Variants in PDLIM5 observed in about 807,000 individuals in gnomAD.
PDLIM5 encodes PDZ and LIM domain 5, also known as PDZ and LIM domain protein 5.
PDLIM5 carries 34 observed loss-of-function variants against 64.2 expected under a neutral mutation model. The ratio of observed to expected loss-of-function variants is 0.53; its 90% CI spans 0.40 to 0.71. The LOEUF (loss-of-function observed/expected upper bound fraction) is 0.71. Ranked by LOEUF, PDLIM5 falls within the 30% of genes least tolerant of loss-of-function variation. The probability of loss-of-function intolerance (pLI) is 0.00; values close to 1 mark genes in which losing one functional copy is unlikely to be tolerated. For missense variants in PDLIM5, 683 were observed against 733.6 expected (o/e 0.93, Z 0.80); for synonymous variants, 253 against 269.1 (o/e 0.94, Z 0.59).
At chr4:94,628,853 G>A (rs1382561816) in intron 8 of PDLIM5, among the ~76,000 whole-genome samples, 3 of 152,066 alleles carry the variant, frequency 2.0e-5, no homozygotes, top group Admixed American at 2.0e-4. Context: ...AAGTCTGCAT[G>A]AGTTTACCAT....
chr4:94,612,676 T>TGA (rs1458205116), intron 7 of PDLIM5, among the ~76,000 whole-genome samples: 1 of 152,118 alleles, frequency 6.6e-6, no homozygotes, highest in Non-Finnish European at 1.5e-5. Context: ...AGTGTGATAT[T>TGA]GAGAGAGGGA....
intron 8 of PDLIM5, among the ~76,000 whole-genome samples, chr4:94,627,518 A>G (rs1739796018): frequency 6.6e-6 from 1 of 152,220 alleles, no homozygotes; most frequent in South Asian, 2.1e-4. Context: ...ATTGATGCAT[A>G]TGGTTTAAAC....
chr4:94,512,595 G>C (rs914829673), intron 2 of PDLIM5, among the ~76,000 whole-genome samples: 2 of 147,660 alleles, frequency 1.4e-5, no homozygotes, highest in Non-Finnish European at 3.0e-5. Flanking sequence ...CAAATCTTTT[G>C]CCAATTTTTT....
intron 2 of PDLIM5, among the ~76,000 whole-genome samples, chr4:94,495,156 C>T (rs938372902): frequency 9.9e-5 from 15 of 152,068 alleles, no homozygotes; most frequent in Non-Finnish European, 1.6e-4. Flanking sequence ...TCAGGTTTCC[C>T]GTCAGTATTA....
chr4:94,521,692 A>G (rs2110129819), intron 2 of PDLIM5, among the ~76,000 whole-genome samples: 1 of 151,984 alleles, frequency 6.6e-6, no homozygotes, highest in South Asian at 2.1e-4. Flanking sequence ...TCTTTCTACG[A>G]TGTTCATTAC....
rs1462401557 is a variant in PDLIM5, at chr4:94,667,583, T to C, written c.*3516T>C. On this transcript the variant is annotated 3_prime_UTR_variant, in exon 13 of 13. Coordinates refer to ENST00000317968, the MANE Select transcript of PDLIM5 (RefSeq NM_006457.5). ...GGGACTTGAACATCATGGACTTTAG[T>C]ATCCTAGGGGGTTCTTGGAACCCAT... is the stretch of plus-strand genomic sequence containing the variant. 6.6e-6 allele frequency: 1 copy of C among 152,164 alleles called. No individual in the cohort carries two copies. Among genetic ancestry groups the C allele is most frequent in the Non-Finnish European group, 1.5e-5 (1 of 68,000 alleles). The allele number at this position is 152,164 out of a possible 1,614,324, so 9.4% of individuals were successfully genotyped here. A position where few individuals can be genotyped will look rare whatever the true frequency, so the allele number is the denominator to read the frequency against.
At chr4:94,478,429 G>C (rs1725527465) in intron 2 of PDLIM5, among the ~76,000 whole-genome samples, 1 of 151,894 alleles carries the variant, frequency 6.6e-6, no homozygotes, top group South Asian at 2.1e-4. Flanking sequence ...GATGGGGGTT[G>C]GCACATCCAA....
intron 5 of PDLIM5, chr4:94,577,485 T>TA: frequency 3.0e-6 from 1 of 338,888 alleles, no homozygotes. Context: ...ATATATATAT[T>TA]GAGGAAAACT....
chr4:94,557,155 A>G (rs1733413232), intron 3 of PDLIM5, among the ~76,000 whole-genome samples: 1 of 152,156 alleles, frequency 6.6e-6, no homozygotes, highest in Non-Finnish European at 1.5e-5. Context: ...CTGTTTATTA[A>G]ATAGAGAATC....
At chr4:94,606,608 C>G (rs13135257) in intron 7 of PDLIM5, among the ~76,000 whole-genome samples, 27 of 152,028 alleles carry the variant, frequency 1.8e-4, no homozygotes, top group Admixed American at 1.6e-3. Context: ...CCAAGATCAC[C>G]TAGAGCAGGG....
At chr4:94,606,730 A>G (rs1737957042) in intron 7 of PDLIM5, among the ~76,000 whole-genome samples, 1 of 152,152 alleles carries the variant, frequency 6.6e-6, no homozygotes, top group East Asian at 1.9e-4. Flanking sequence ...TTTTTTCTGT[A>G]AAGGTCCAGA....
chr4:94,620,595 A>G (rs1739141367), intron 8 of PDLIM5, among the ~76,000 whole-genome samples: 1 of 152,084 alleles, frequency 6.6e-6, no homozygotes, highest in South Asian at 2.1e-4. Context: ...GATTTGTAAG[A>G]GTGAATTTTT....
intron 8 of PDLIM5, among the ~76,000 whole-genome samples, chr4:94,631,073 T>C (rs1211500733): frequency 2.0e-5 from 3 of 151,370 alleles, no homozygotes; most frequent in Non-Finnish European, 4.4e-5. Context: ...AACTTTTTTT[T>C]TTTTTTTTTG....
At chr4:94,456,517 C>CT (rs762571808) in intron 2 of PDLIM5, 64 of 710,052 alleles carry the variant, frequency 9.0e-5, no homozygotes, top group Admixed American at 1.6e-4. Flanking sequence ...TTATACTTTG[C>CT]TTTTTTTTGC....
Position 94,508,315 on chromosome 4 carries a change from C to CA in PDLIM5, c.97-15403dup, listed in dbSNP as rs550774825. ...CAACTGTGTAGGCTGGCTTATTGGG[C>CA]AAAAAATAAATAAATAAACTTAGGA... On this transcript the variant is annotated intron_variant, in intron 2 of 12. Coordinates refer to ENST00000317968, the MANE Select transcript of PDLIM5 (RefSeq NM_006457.5). Among the ~76,000 whole-genome samples the CA allele has an allele frequency of 1.1e-4, 16 of 151,870 alleles. 1 individual carries two copies. In the South Asian group the frequency reaches 3.3e-3, roughly 32 times the overall value.
At chr4:94,656,082 A>G (rs1742189058) in intron 10 of PDLIM5, among the ~76,000 whole-genome samples, 1 of 152,154 alleles carries the variant, frequency 6.6e-6, no homozygotes, top group East Asian at 1.9e-4. Context: ...AAAATAGTTC[A>G]CTCAAGCACA....
chr4:94,544,627 G>A (rs1358133675), intron 3 of PDLIM5, among the ~76,000 whole-genome samples: 3 of 152,144 alleles, frequency 2.0e-5, no homozygotes, highest in Non-Finnish European at 4.4e-5. Flanking sequence ...TAGAGGGTCT[G>A]TTTTGAGGCA....
chr4:94,578,404 A>G (rs1735461235), intron 5 of PDLIM5, among the ~76,000 whole-genome samples: 1 of 152,218 alleles, frequency 6.6e-6, no homozygotes. Flanking sequence ...AGAGATTACT[A>G]CATATTTTGC....
chr4:94,486,724 A>G (rs911659464), intron 2 of PDLIM5, among the ~76,000 whole-genome samples: 2 of 152,220 alleles, frequency 1.3e-5, no homozygotes, highest in Non-Finnish European at 2.9e-5. Flanking sequence ...AGATTAGGCC[A>G]GGTGCAATGG....
Sources: allele counts gnomAD v4.1 joint callset (sites outside exome capture counted in the v4.1 genomes callset), GRCh38; gene constraint gnomAD v4.1.1; transcripts MANE v1.5; gene names NCBI Gene and HGNC (gene_info 2026-07-23, HGNC 2026-07-21).